CSRNP3: variants seen among roughly 807,000 people sequenced by gnomAD.
CSRNP3 encodes cysteine and serine rich nuclear protein 3.
In CSRNP3, 12 loss-of-function variants were observed where a neutral mutation model predicts 48.0. The ratio of observed to expected loss-of-function variants is 0.25; its 90% CI spans 0.16 to 0.41. The LOEUF is 0.41. CSRNP3 is among the 10% of genes least tolerant of loss of function. The pLI, the probability that CSRNP3 is intolerant of heterozygous loss-of-function variation, is 1.00. For synonymous variants in CSRNP3, 263 were observed against 269.7 expected, an observed-to-expected ratio of 0.98 and a Z score of 0.24; for missense variants, 580 against 724.4, an observed-to-expected ratio of 0.80 and a Z score of 2.29.
At chr2:165,627,104 T>C (rs1686448857) in intron 4 of CSRNP3, among the ~76,000 whole-genome samples, 1 of 152,184 alleles carries the variant, frequency 6.6e-6, no homozygotes, top group Non-Finnish European at 1.5e-5. Flanking sequence ...TCTTAGATTT[T>C]CTATTAATGC....
chr2:165,511,577 A>G (rs746485174), intron 2 of CSRNP3, among the ~76,000 whole-genome samples: 1 of 152,164 alleles, frequency 6.6e-6, no homozygotes, highest in East Asian at 1.9e-4. Context: ...TGCCAAGTGT[A>G]TAGAGGATAC....
At chr2:165,676,147 T>G (rs1687418473) in intron 5 of CSRNP3, among the ~76,000 whole-genome samples, 165 bp from the exon 6 acceptor site, 1 of 152,178 alleles carries the variant, frequency 6.6e-6, no homozygotes, top group South Asian at 2.1e-4. Flanking sequence ...ATGCCTTTAT[T>G]TTTCTTTCTG....
intron 3 of CSRNP3, among the ~76,000 whole-genome samples, chr2:165,580,161 C>G (rs1234451310): frequency 6.6e-6 from 1 of 152,034 alleles, no homozygotes; most frequent in Non-Finnish European, 1.5e-5. Context: ...ATCTCCTGAC[C>G]TCGTGATCCG....
In CSRNP3 at chr2:165,687,060, C is replaced by T. The variant is rs1441595999; in HGVS notation, c.*7307C>T. On this transcript the variant is annotated 3_prime_UTR_variant, in exon 7 of 7. Coordinates refer to ENST00000651982, the MANE Select transcript of CSRNP3 (RefSeq NM_001172173.2). The stretch of plus-strand genomic sequence containing the variant: ...ACAATTCAGCTCTCTTAGGTTTTCT[C>T]ACAATAAGAAAATATCTTGGCCAGT... The T allele has an allele frequency of 6.6e-6, 1 of 152,076 alleles. No individual in the cohort carries two copies. The highest frequency in any genetic ancestry group is 1.5e-5 in the Non-Finnish European group (1 of 68,016). The allele number at this position is 152,076 out of a possible 1,614,324, so 9.4% of individuals were successfully genotyped here. A position where few individuals can be genotyped will look rare whatever the true frequency, so the allele number is the denominator to read the frequency against.
chr2:165,494,820 C>T lies in CSRNP3; in HGVS notation c.-221C>T, dbSNP rs1052923121. 4 of 206,628 alleles carry T rather than the reference C, an allele frequency of 1.9e-5. No homozygotes were observed. Among genetic ancestry groups the T allele is most frequent in the East Asian group, 1.1e-4 (1 of 8,792 alleles). 12.8% of individuals were successfully genotyped at this position (206,628 alleles called of 1,614,324 possible). ...TAAAGGGGAAGTTTGAAGAAGTCAA[C>T]GGCTCCTCACCCTGCTCTTCAGTGC... On this transcript the variant is annotated 5_prime_UTR_variant, in exon 2 of 7. The change creates a new upstream start codon in the 5' untranslated region. Transcript: ENST00000651982.
intron 4 of CSRNP3, among the ~76,000 whole-genome samples, chr2:165,656,596 C>T (rs1427745197): frequency 1.3e-5 from 2 of 152,082 alleles, no homozygotes; most frequent in Non-Finnish European, 2.9e-5. Context: ...CAGGCAATTT[C>T]ATTTGTCCCA....
intron 3 of CSRNP3, among the ~76,000 whole-genome samples, chr2:165,586,432 A>G (rs1191307194): frequency 6.6e-6 from 1 of 152,248 alleles, no homozygotes; most frequent in African/African-American, 2.4e-5. Flanking sequence ...AAAAACAACA[A>G]AAAAGTAGAT....
intron 3 of CSRNP3, among the ~76,000 whole-genome samples, chr2:165,544,913 A>C (rs1465590004): frequency 6.6e-6 from 1 of 152,204 alleles, no homozygotes; most frequent in Non-Finnish European, 1.5e-5. Flanking sequence ...TTAACCCTCT[A>C]CAATTTAACG....
At chr2:165,500,056 A>C (rs1684336076) in intron 2 of CSRNP3, among the ~76,000 whole-genome samples, 1 of 150,854 alleles carries the variant, frequency 6.6e-6, no homozygotes, top group South Asian at 2.1e-4. Flanking sequence ...AAAAAAAAAA[A>C]CAGGAAAGAA....
intron 1 of CSRNP3, among the ~76,000 whole-genome samples, chr2:165,475,303 G>T (rs556289520): frequency 1.3e-5 from 2 of 152,222 alleles, no homozygotes; most frequent in South Asian, 2.1e-4. Context: ...ATCAATAAGG[G>T]CCCCAAGGGG....
At chr2:165,545,254 T>A (rs1222402965) in intron 3 of CSRNP3, among the ~76,000 whole-genome samples, 1 of 151,802 alleles carries the variant, frequency 6.6e-6, no homozygotes, top group Admixed American at 6.6e-5. Flanking sequence ...ATGCCAGGAG[T>A]TTTGCTGCAA....
intron 6 of CSRNP3, among the ~76,000 whole-genome samples, chr2:165,678,469 T>G (rs962834255): frequency 6.6e-6 from 1 of 152,188 alleles, no homozygotes; most frequent in Non-Finnish European, 1.5e-5. Flanking sequence ...TACACACTTA[T>G]GCCCATAACC....
rs919132715 is a variant in CSRNP3 at position 165,681,622 on chromosome 2, G to A, written c.*1869G>A. 1.3e-5 allele frequency: 2 copies of A among 150,128 alleles called. No individual in the cohort carries two copies. Among genetic ancestry groups the A allele is most frequent in the African/African-American group, 4.9e-5 (2 of 40,848 alleles). 9.3% of individuals were successfully genotyped at this position (150,128 alleles called of 1,614,324 possible). On this transcript the variant is annotated 3_prime_UTR_variant, in exon 7 of 7. Transcript: ENST00000651982. ...AATATTAACATTAAAAGAGCTTTGG[G>A]TTTGTCTTTATGTAGGTTGCAGTAA... is the stretch of plus-strand genomic sequence containing the variant.
chr2:165,662,095 G>C (rs747444716), intron 5 of CSRNP3, among the ~76,000 whole-genome samples: 1 of 88,582 alleles, frequency 1.1e-5, no homozygotes, highest in Admixed American at 1.1e-4. Flanking sequence ...TACACTTCTA[G>C]ATATTATAGT....
At chr2:165,627,030 T>C (rs1281164390) in intron 4 of CSRNP3, among the ~76,000 whole-genome samples, 1 of 152,210 alleles carries the variant, frequency 6.6e-6, no homozygotes, top group Non-Finnish European at 1.5e-5. Flanking sequence ...AGGTTAGTTC[T>C]TGATGGCTGC....
At chr2:165,610,462 G>A (rs1021032715) in intron 4 of CSRNP3, among the ~76,000 whole-genome samples, 3 of 152,258 alleles carry the variant, frequency 2.0e-5, no homozygotes, top group Admixed American at 6.5e-5. Context: ...TCTTTTATGC[G>A]TAAAACTTTT....
At position 165,685,727 on chromosome 2, in the gene CSRNP3, T is replaced by C. The variant is rs1687620100; in HGVS notation, c.*5974T>C. ...TTGCATTGGCTTATAATTCAAGAAA[T>C]GTCAACTTCACTGTGTCACTTTATG... On this transcript the variant is annotated 3_prime_UTR_variant, in exon 7 of 7. Coordinates refer to ENST00000651982, the MANE Select transcript of CSRNP3 (RefSeq NM_001172173.2). The C allele has an allele frequency of 6.6e-6, 1 of 152,094 alleles. No individual in the cohort carries two copies. Among genetic ancestry groups the C allele is most frequent in the African/African-American group, 2.4e-5 (1 of 41,426 alleles). The allele number at this position is 152,094 out of a possible 1,614,324, so 9.4% of individuals were successfully genotyped here.
intron 4 of CSRNP3, among the ~76,000 whole-genome samples, chr2:165,611,379 G>GTGTGTGTATA (rs56146559): frequency 2.0e-5 from 3 of 150,944 alleles, no homozygotes; most frequent in Admixed American, 1.3e-4. Context: ...GTGTGTGTGT[G>GTGTGTGTATA]TATATACATA....
chr2:165,600,360 T>A (rs1424317111), intron 4 of CSRNP3, among the ~76,000 whole-genome samples: 1 of 151,650 alleles, frequency 6.6e-6, no homozygotes, highest in African/African-American at 2.4e-5. Flanking sequence ...TGGTTCCAAG[T>A]CTTTGCTATT....
Sources: gnomAD v4.1 joint callset for allele counts (sites outside exome capture counted in the v4.1 genomes callset) on GRCh38, gnomAD v4.1.1 for gene constraint, MANE v1.5 for transcripts, NCBI Gene and HGNC (gene_info 2026-07-23, HGNC 2026-07-21) for gene names.